Variants in MIPOL1 observed in about 807,000 individuals in gnomAD.
MIPOL1 encodes the protein mirror-image polydactyly gene 1 protein.
MIPOL1 carries 57 observed loss-of-function variants against 60.9 expected under a neutral mutation model. That is an observed-to-expected ratio of 0.94 (90% CI 0.76 to 1.17). The LOEUF (loss-of-function observed/expected upper bound fraction) is 1.17, where lower values mean the gene tolerates loss of function less well. Ranked by LOEUF, MIPOL1 falls within the 50% of genes most tolerant of loss-of-function variation. The pLI, the probability that MIPOL1 is intolerant of heterozygous loss-of-function variation, is 0.00. For missense variants in MIPOL1, 551 were observed against 511.6 expected (o/e 1.08, Z -0.74); for synonymous variants, 179 against 168.8 (o/e 1.06, Z -0.47).
At chr14:37,198,532 G>T (rs1051121320) in intron 1 of MIPOL1, among the ~76,000 whole-genome samples, 1 of 152,052 alleles carries the variant, frequency 6.6e-6, no homozygotes, top group Admixed American at 6.6e-5. Flanking sequence ...GAAGAATGAG[G>T]GGCTTCTTTA....
At chr14:37,268,526 C>T in intron 4 of MIPOL1, 132 bp from the exon 5 acceptor site, 1 of 649,304 alleles carries the variant, frequency 1.5e-6, no homozygotes, top group Non-Finnish European at 2.5e-6. Flanking sequence ...TTCAAAAAAA[C>T]AGCCCATCTC....
At chr14:37,430,630 G>A (rs149285105) in intron 11 of MIPOL1, among the ~76,000 whole-genome samples, 3 of 151,728 alleles carry the variant, frequency 2.0e-5, no homozygotes, top group East Asian at 1.9e-4. Flanking sequence ...TCTGAATGTC[G>A]ATTGCCTCAC....
At chr14:37,389,406 G>A (rs994276081) in intron 10 of MIPOL1, among the ~76,000 whole-genome samples, 4 of 151,950 alleles carry the variant, frequency 2.6e-5, no homozygotes, top group African/African-American at 9.7e-5. Context: ...ATTTATATAC[G>A]TAAATGAATA....
intron 11 of MIPOL1, among the ~76,000 whole-genome samples, chr14:37,468,017 G>A (rs1462670238): frequency 1.3e-5 from 2 of 150,100 alleles, no homozygotes; most frequent in Non-Finnish European, 3.0e-5. Flanking sequence ...TCATGCCACT[G>A]CGCTCCAGCC....
rs76659522 is a variant in MIPOL1, at chr14:37,333,255, A to G, written c.828+24736A>G. Among the ~76,000 whole-genome samples, 28 of 152,300 alleles carry G rather than the reference A, an allele frequency of 1.8e-4. No homozygotes were observed. In the East Asian group the frequency reaches 3.7e-3, roughly 20 times the overall value. On this transcript the variant is annotated intron_variant, in intron 9 of 12. Coordinates refer to ENST00000684589, the MANE Select transcript of MIPOL1 (RefSeq NM_001388067.1). Reference sequence around the variant, plus strand: ...TGGTAGTAAATTATATTAATAAAATACTGCTATGCACATTTTTAATGTGTT... The same window carrying G: ...TGGTAGTAAATTATATTAATAAAATGCTGCTATGCACATTTTTAATGTGTT...
At chr14:37,535,785 G>A (rs2095503604) in intron 12 of MIPOL1, among the ~76,000 whole-genome samples, 1 of 152,106 alleles carries the variant, frequency 6.6e-6, no homozygotes, top group African/African-American at 2.4e-5. Context: ...GAATGACAGT[G>A]CTTTGTATAA....
intron 10 of MIPOL1, among the ~76,000 whole-genome samples, chr14:37,406,793 G>T (rs535312712): frequency 6.6e-6 from 1 of 152,244 alleles, no homozygotes; most frequent in South Asian, 2.1e-4. Context: ...ATTAGTCTCT[G>T]TTCTAGACAT....
chr14:37,256,128 A>C (rs1474072704), intron 3 of MIPOL1, among the ~76,000 whole-genome samples: 1 of 151,872 alleles, frequency 6.6e-6, no homozygotes, highest in Non-Finnish European at 1.5e-5. Flanking sequence ...TTTAGTATAG[A>C]AATATAATCA....
At chr14:37,257,992 G>T (rs1429604496) in intron 3 of MIPOL1, among the ~76,000 whole-genome samples, 2 of 152,108 alleles carry the variant, frequency 1.3e-5, no homozygotes, top group African/African-American at 4.8e-5. Context: ...TGGCTAAGCT[G>T]CAGAATTTGG....
Position 37,466,125 on chromosome 14 carries a change from A to G in MIPOL1, c.1032-33783A>G, listed in dbSNP as rs2094595658. On this transcript the variant is annotated intron_variant, in intron 11 of 12. Transcript: ENST00000684589. ...GAGTGTCTTGCAACAGAAATTTTAT[A>G]ACATTTCCTTATGACAGCAGCTGTA... Among the ~76,000 whole-genome samples the G allele has an allele frequency of 2.0e-5, 3 of 152,294 alleles. No homozygotes were observed. The South Asian group carries it at 6.2e-4, about 32-fold the overall frequency.
intron 9 of MIPOL1, among the ~76,000 whole-genome samples, chr14:37,359,474 A>G (rs2092087158): frequency 6.6e-6 from 1 of 152,172 alleles, no homozygotes; most frequent in African/African-American, 2.4e-5. Flanking sequence ...TGAGCATAGA[A>G]TGTTCTTCCA....
At position 37,350,341 on chromosome 14, in the gene MIPOL1, T is replaced by C. The variant is rs147138128; in HGVS notation, c.829-19176T>C. ...GGTTCTCCTGCCTCAAACCCCAAAG[T>C]GCTGGGGTTACAGGCATGTGCCACT... On this transcript the variant is annotated intron_variant, in intron 9 of 12. Transcript: ENST00000684589. Among the ~76,000 whole-genome samples, 687 of 152,342 alleles carry C rather than the reference T, an allele frequency of 4.5e-3. 3 individuals are homozygous for C. The highest frequency in any genetic ancestry group is 9.1e-3 in the Admixed American group (139 of 15,302).
intron 6 of MIPOL1, among the ~76,000 whole-genome samples, chr14:37,279,260 A>T (rs897853221): frequency 8.0e-5 from 12 of 149,612 alleles, no homozygotes; most frequent in African/African-American, 3.0e-4. Context: ...TGTATGACAT[A>T]CGAGATGCAA....
Position 37,474,953 on chromosome 14 carries a change from ATTTATTTTTATT to A in MIPOL1, c.1032-24939_1032-24928del, listed in dbSNP as rs567099751. 7.9e-4 allele frequency among the ~76,000 whole-genome samples: 120 copies of A among 151,852 alleles called. 1 individual carries two copies. Among genetic ancestry groups the A allele is most frequent in the Admixed American group, 1.8e-3 (28 of 15,234 alleles). On this transcript the variant is annotated intron_variant, in intron 11 of 12. Coordinates refer to ENST00000684589, the MANE Select transcript of MIPOL1 (RefSeq NM_001388067.1). Reference sequence around the variant, plus strand: ...AAGTGTCTGTTGAGATCCTTTACTCATTTATTTTTATTTTTATTTTTATTTTTTTTTGAGACA... The same window carrying A: ...AAGTGTCTGTTGAGATCCTTTACTCATTTATTTTTATTTTTTTTTGAGACA...
intron 3 of MIPOL1, among the ~76,000 whole-genome samples, chr14:37,248,759 T>C (rs1973601750): frequency 6.6e-6 from 1 of 151,914 alleles, no homozygotes; most frequent in Admixed American, 6.6e-5. Context: ...GACAGACATG[T>C]ATATATGCAG....
Position 37,296,192 on chromosome 14 carries a change from T to C in MIPOL1, c.623+10745T>C, listed in dbSNP as rs1462451973. On this transcript the variant is annotated intron_variant, in intron 7 of 12. Coordinates refer to ENST00000684589, the MANE Select transcript of MIPOL1 (RefSeq NM_001388067.1). Reference sequence around the variant, plus strand: ...GCTACGTGGAAACTGAACAACCTGCTCCTGAATGACTACTAGGTACATAAC... The same window carrying C: ...GCTACGTGGAAACTGAACAACCTGCCCCTGAATGACTACTAGGTACATAAC... 6.6e-5 allele frequency among the ~76,000 whole-genome samples: 10 copies of C among 152,230 alleles called. No homozygotes were observed. The East Asian group carries it at 1.9e-3, about 29-fold the overall frequency.
chr14:37,540,586 C>T (rs1349895894), intron 12 of MIPOL1, among the ~76,000 whole-genome samples: 1 of 152,110 alleles, frequency 6.6e-6, no homozygotes, highest in Non-Finnish European at 1.5e-5. Context: ...CTCTTCCTTA[C>T]ATTTCTGTGC....
chr14:37,381,003 G>A (rs957971980), intron 10 of MIPOL1, among the ~76,000 whole-genome samples: 10 of 151,956 alleles, frequency 6.6e-5, no homozygotes, highest in Non-Finnish European at 1.3e-4. Context: ...GCTCTATATC[G>A]TCTATTCCCT....
intron 11 of MIPOL1, among the ~76,000 whole-genome samples, chr14:37,451,808 C>CTCTTTT (rs1418256414): frequency 1.3e-4 from 11 of 84,576 alleles, no homozygotes; most frequent in African/African-American, 6.3e-4. Flanking sequence ...TTTATTCTCT[C>CTCTTTT]TTTTTTTTTT....
Sources: allele counts gnomAD v4.1 joint callset (sites outside exome capture counted in the v4.1 genomes callset), GRCh38; gene constraint gnomAD v4.1.1; transcripts MANE v1.5; gene names NCBI Gene and HGNC (gene_info 2026-07-23, HGNC 2026-07-21).